EXOC4: variants seen among roughly 807,000 people sequenced by gnomAD.
EXOC4 encodes SEC8-like 1.
A neutral mutation model predicts 107.2 loss-of-function variants in EXOC4; 71 were observed. That is an observed-to-expected ratio of 0.66 (90% CI 0.55 to 0.81). The LOEUF is 0.81. Ranked by LOEUF, EXOC4 falls within the 30% of genes least tolerant of loss-of-function variation. The pLI is 0.00. For missense variants in EXOC4, 1,108 were observed against 1,189.6 expected, an observed-to-expected ratio of 0.93 and a Z score of 1.01; for synonymous variants, 456 against 441.2, an observed-to-expected ratio of 1.03 and a Z score of -0.42.
intron 10 of EXOC4, among the ~76,000 whole-genome samples, chr7:133,800,001 A>G (rs1395215603): frequency 6.6e-6 from 1 of 151,642 alleles, no homozygotes; most frequent in East Asian, 1.9e-4. Context: ...GCACTTTTTC[A>G]TCCATCCTTT....
chr7:133,402,238 C>G (rs1797106253), intron 7 of EXOC4, among the ~76,000 whole-genome samples: 1 of 152,152 alleles, frequency 6.6e-6, no homozygotes, highest in East Asian at 1.9e-4. Flanking sequence ...TGGCTAATTG[C>G]CATTAAGTAC....
intron 7 of EXOC4, among the ~76,000 whole-genome samples, chr7:133,380,419 T>C (rs1563043598): frequency 2.0e-5 from 3 of 151,848 alleles, no homozygotes; most frequent in African/African-American, 2.4e-5. Context: ...TTTTTAATTA[T>C]ATTTATGGAG....
intron 10 of EXOC4, among the ~76,000 whole-genome samples, chr7:133,795,852 T>A (rs1796802633): frequency 1.3e-5 from 2 of 152,184 alleles, no homozygotes; most frequent in African/African-American, 4.8e-5. Flanking sequence ...TATATCACAT[T>A]TTTCTTTTTA....
At chr7:133,942,701 A>C (rs1365951785) in intron 14 of EXOC4, among the ~76,000 whole-genome samples, 2 of 152,160 alleles carry the variant, frequency 1.3e-5, no homozygotes, top group Non-Finnish European at 2.9e-5. Context: ...TGGACCGTTC[A>C]TGCCGTATTC....
At chr7:133,757,436 T>C (rs932279748) in intron 10 of EXOC4, among the ~76,000 whole-genome samples, 1 of 152,224 alleles carries the variant, frequency 6.6e-6, no homozygotes, top group Non-Finnish European at 1.5e-5. Context: ...GCTTTGGAAG[T>C]GTCCAGGTTG....
In EXOC4 at chr7:133,464,810, G is replaced by GTTTTTTTTTTTTTTTT. The variant is rs1491525276; in HGVS notation, c.1183-10518_1183-10517insTTTTTTTTTTTTTTTT. ...GTTTTTTTTTTTTGTTGGTTGGGTTGGTTTTTTTTTTTTTTTTTTTTTTTT... is the reference window on the plus strand; with the variant it reads ...GTTTTTTTTTTTTGTTGGTTGGGTTGTTTTTTTTTTTTTTTTGTTTTTTTTTTTTTTTTTTTTTTTT... On this transcript the variant is annotated intron_variant, in intron 7 of 17. Coordinates refer to ENST00000253861, the MANE Select transcript of EXOC4 (RefSeq NM_021807.4). Among the ~76,000 whole-genome samples the GTTTTTTTTTTTTTTTT allele has an allele frequency of 7.6e-5, 8 of 105,670 alleles. 1 individual carries two copies. The highest frequency in any genetic ancestry group is 2.9e-4 in the Admixed American group (2 of 6,974). 69.3% of individuals were successfully genotyped at this position (105,670 alleles called of 152,430 possible). A position where few individuals can be genotyped will look rare whatever the true frequency, so the allele number is the denominator to read the frequency against.
chr7:133,869,343 TG>T (rs1475167731), intron 11 of EXOC4, among the ~76,000 whole-genome samples: 1 of 152,142 alleles, frequency 6.6e-6, no homozygotes, highest in Non-Finnish European at 1.5e-5. Flanking sequence ...GGGGCAGCTC[TG>T]GGCTCCTCCA....
intron 9 of EXOC4, among the ~76,000 whole-genome samples, chr7:133,561,985 A>G (rs1406338922): frequency 6.6e-6 from 1 of 152,164 alleles, no homozygotes; most frequent in African/African-American, 2.4e-5. Context: ...AGTATTTAAT[A>G]TTAGTGTTTT....
intron 14 of EXOC4, among the ~76,000 whole-genome samples, chr7:133,950,728 G>T (rs1800670358): frequency 6.6e-6 from 1 of 152,210 alleles, no homozygotes; most frequent in African/African-American, 2.4e-5. Context: ...GCATCAAACA[G>T]AAATAGCATT....
At chr7:133,393,036 G>T (rs1211685334) in intron 7 of EXOC4, among the ~76,000 whole-genome samples, 1 of 152,026 alleles carries the variant, frequency 6.6e-6, no homozygotes, top group Non-Finnish European at 1.5e-5. Context: ...ATATGACTCT[G>T]TCCTTTCCTA....
chr7:133,260,827 G>C (rs1007819339), intron 1 of EXOC4, among the ~76,000 whole-genome samples: 1 of 151,922 alleles, frequency 6.6e-6, no homozygotes, highest in Non-Finnish European at 1.5e-5. Flanking sequence ...TAGTGTCTAG[G>C]TTTATATGTC....
At chr7:133,971,386 AGAGAGAGAGAGAGAG>A in intron 14 of EXOC4, among the ~76,000 whole-genome samples, 2 of 143,176 alleles carry the variant, frequency 1.4e-5, no homozygotes, top group Admixed American at 7.1e-5. Flanking sequence ...AGAGAGAGAG[AGAGAGAGAGAGAGAG>A]AAAGAGAGAG....
intron 11 of EXOC4, among the ~76,000 whole-genome samples, chr7:133,846,131 T>A (rs981987515): frequency 6.6e-6 from 1 of 152,158 alleles, no homozygotes; most frequent in African/African-American, 2.4e-5. Context: ...AAATAAGGGA[T>A]AAAGTGAAAG....
intron 11 of EXOC4, among the ~76,000 whole-genome samples, chr7:133,879,355 A>G (rs1219759748): frequency 6.6e-6 from 1 of 152,100 alleles, no homozygotes; most frequent in Non-Finnish European, 1.5e-5. Flanking sequence ...CGGCCTCCCT[A>G]AGTGCTGGGA....
chr7:133,672,945 A>AT (rs1180177921), intron 10 of EXOC4, among the ~76,000 whole-genome samples: 1 of 152,140 alleles, frequency 6.6e-6, no homozygotes, highest in East Asian at 1.9e-4. Context: ...AGCCTTTAAA[A>AT]TTTTTTTTCA....
intron 17 of EXOC4, among the ~76,000 whole-genome samples, chr7:134,053,184 G>A (rs917513502): frequency 1.4e-4 from 21 of 150,990 alleles, no homozygotes; most frequent in African/African-American, 4.4e-4. Flanking sequence ...CTTGCAGTGA[G>A]CAGAGATTGC....
At chr7:133,529,982 G>A (rs1443055402) in intron 9 of EXOC4, among the ~76,000 whole-genome samples, 3 of 152,064 alleles carry the variant, frequency 2.0e-5, no homozygotes, top group South Asian at 2.1e-4. Flanking sequence ...ACATACATGC[G>A]TTATTTTATT....
chr7:133,301,180 CT>C (rs1794633739), intron 3 of EXOC4, among the ~76,000 whole-genome samples: 7 of 152,350 alleles, frequency 4.6e-5, no homozygotes, highest in Admixed American at 2.6e-4. Flanking sequence ...CCTAAAACCG[CT>C]GGAGGTTGCC....
At chr7:134,085,310 G>A in the EXOC4 span, among the ~76,000 whole-genome samples, 1 of 145,232 alleles carries the variant, frequency 6.9e-6, no homozygotes, top group Non-Finnish European at 1.5e-5. Flanking sequence ...TTAAGAATAC[G>A]TGGCCAAAAA....
Sources: allele counts gnomAD v4.1 joint callset (sites outside exome capture counted in the v4.1 genomes callset), GRCh38; gene constraint gnomAD v4.1.1; transcripts MANE v1.5; gene names NCBI Gene and HGNC (gene_info 2026-07-23, HGNC 2026-07-21).